WNT4: variants seen among roughly 807,000 people sequenced by gnomAD.
WNT4 encodes the protein protein Wnt-4.
Under a neutral mutation model 34.5 loss-of-function variants are expected in WNT4, and 16 were observed. The ratio of observed to expected loss-of-function variants is 0.46; its 90% confidence interval spans 0.31 to 0.70. The LOEUF is 0.70. Among genes scored for constraint, WNT4 ranks in the 30% least tolerant of loss-of-function variants. The probability of loss-of-function intolerance (pLI) is 0.04; values close to 1 mark genes in which losing one functional copy is unlikely to be tolerated. For synonymous variants in WNT4, 200 were observed against 211.9 expected (o/e 0.94, Z 0.49); for missense variants, 379 against 495.9 (o/e 0.76, Z 2.24).
intron 1 of WNT4, among the ~76,000 whole-genome samples, chr1:22,132,340 T>C (rs1454753088): frequency 6.6e-6 from 1 of 152,118 alleles, no homozygotes; most frequent in African/African-American, 2.4e-5. Flanking sequence ...TGGGCTCTGG[T>C]CAAGGGAGGC....
At position 22,140,173 on chromosome 1, in the gene WNT4, C is replaced by A. The variant is rs530182287; in HGVS notation, c.77+2673G>T. 4.1e-6 allele frequency: 4 copies of A among 985,284 alleles called. No homozygotes were observed. Among genetic ancestry groups the A allele is most frequent in the African/African-American group, 3.5e-5 (2 of 57,248 alleles). The allele number at this position is 985,284 out of a possible 1,614,324, so 61.0% of individuals were successfully genotyped here. On this transcript the variant is annotated intron_variant, in intron 1 of 4. Transcript: ENST00000290167. This position sits in a 1 kb window ranked among gnomAD's most constrained non-coding sequence, Gnocchi z 5.9. Reference sequence around the variant, plus strand: ...TGGCAGGTGCTGTCAGCTATCCTCTCGGGGCCAGGCCTCCTCATACCTCAC... The same window carrying A: ...TGGCAGGTGCTGTCAGCTATCCTCTAGGGGCCAGGCCTCCTCATACCTCAC...
intron 1 of WNT4, 136 bp from the exon 2 acceptor site, chr1:22,129,987 G>T: frequency 1.9e-6 from 2 of 1,027,514 alleles, no homozygotes; most frequent in Non-Finnish European, 1.5e-6. Context: ...CTTCTCTCTG[G>T]ATCCAGTTAC....
chr1:22,134,474 C>G lies in WNT4; in HGVS notation c.78-4623G>C, dbSNP rs1278265657. On this transcript the variant is annotated intron_variant, in intron 1 of 4. Coordinates refer to ENST00000290167, the MANE Select transcript of WNT4 (RefSeq NM_030761.5). This position sits in a 1 kb window ranked among gnomAD's most constrained non-coding sequence, Gnocchi z 4.1. ...GTCTTGGTATCCTGCTGTGCTCCCCCTGATGGTGCCCTAGCCTTGGAGACC... is the reference window on the plus strand; with the variant it reads ...GTCTTGGTATCCTGCTGTGCTCCCCGTGATGGTGCCCTAGCCTTGGAGACC... 6.6e-6 allele frequency among the ~76,000 whole-genome samples: 1 copy of G among 152,198 alleles called. No homozygotes were observed. Among genetic ancestry groups the G allele is most frequent in the African/African-American group, 2.4e-5 (1 of 41,444 alleles).
rs778822173 is a variant in WNT4 at position 22,120,175 on chromosome 1, A to C, written c.931T>G (p.Cys311Gly). Residue 311 changes from cysteine to glycine, a missense_variant, in exon 5 of 5, where the codon TGT becomes GGT. Cys to Gly is a radical substitution (Grantham distance 159). Around this residue, in one of 2 missense-constraint regions of WNT4, gnomAD observed 313 missense variants for 445.8 expected, o/e 0.70. Coordinates refer to ENST00000290167, the MANE Select transcript of WNT4 (RefSeq NM_030761.5). Reference sequence around the variant, plus strand: ...TGCGCCGTGTGGAAGCCGCGGCCACAGCACAGCAGCTCACAGCCGTCGATG... The same window carrying C: ...TGCGCCGTGTGGAAGCCGCGGCCACCGCACAGCAGCTCACAGCCGTCGATG... ...KAIDGCELLC[C>G]GRGFHTAQVE... is the part of the protein sequence containing the mutation. The C allele has an allele frequency of 6.2e-7, 1 of 1,613,758 alleles. No homozygotes were observed. The highest frequency in any genetic ancestry group is 1.1e-5 in the South Asian group (1 of 91,086).
chr1:22,141,539 C>T (rs1293767997), intron 1 of WNT4, among the ~76,000 whole-genome samples: 1 of 152,102 alleles, frequency 6.6e-6, no homozygotes, highest in African/African-American at 2.4e-5. Flanking sequence ...TGCCACTGCT[C>T]CTGAAGTGTT....
chr1:22,129,919 A>G, intron 1 of WNT4, 68 bp from the exon 2 acceptor site: 25 of 1,571,368 alleles, frequency 1.6e-5, no homozygotes, highest in Non-Finnish European at 1.7e-5. Flanking sequence ...ACCAGGCCTG[A>G]GCTCCAGCCC....
Position 22,120,437 on chromosome 1 carries a change from G to A in WNT4, c.669C>T (p.Ala223=), listed in dbSNP as rs761495982. Residue 223 remains alanine (A), a synonymous_variant, in exon 5 of 5, where the codon GCC becomes GCT. Transcript: ENST00000290167. ...GACCCACCTGGCGGAAGGGCGGCAC[G>A]GCTCGCCAGCACGTCTTTACCTCAC... ...GSCEVKTCWR[A]VPPFRQVGHA... 9 of 1,613,686 alleles carry A rather than the reference G, an allele frequency of 5.6e-6. No homozygotes were observed. The highest frequency in any genetic ancestry group is 1.6e-4 in the Middle Eastern group (1 of 6,062).
intron 1 of WNT4, among the ~76,000 whole-genome samples, chr1:22,135,026 T>A (rs1301973035): frequency 6.6e-6 from 1 of 152,102 alleles, no homozygotes; most frequent in East Asian, 1.9e-4. Flanking sequence ...AGTTTGAGGA[T>A]GTGTTTCCTG....
At chr1:22,123,073 C>T (rs950663708) in intron 2 of WNT4, among the ~76,000 whole-genome samples, 8 of 152,190 alleles carry the variant, frequency 5.3e-5, no homozygotes, top group Non-Finnish European at 1.2e-4. Flanking sequence ...ATGCTGTGGC[C>T]GCCCAAAGAG....
Position 22,142,764 on chromosome 1 carries a change from G to A in WNT4, c.77+82C>T. The A allele has an allele frequency of 1.1e-6, 1 of 927,046 alleles. No homozygotes were observed. Among genetic ancestry groups the A allele is most frequent in the Non-Finnish European group, 1.3e-6 (1 of 778,256 alleles). The allele number at this position is 927,046 out of a possible 1,614,324, so 57.4% of individuals were successfully genotyped here. A position where few individuals can be genotyped will look rare whatever the true frequency, so the allele number is the denominator to read the frequency against. The stretch of plus-strand genomic sequence containing the variant: ...CCTGCCGGGCTGCCCCGCGCCCGCT[G>A]CCCCGCGCCGCCTGGCACCGGCCGC... On this transcript the variant is annotated intron_variant, in intron 1 of 4. Coordinates refer to ENST00000290167, the MANE Select transcript of WNT4 (RefSeq NM_030761.5). The surrounding 1 kb of genome is among the most constrained non-coding windows in gnomAD (Gnocchi z 6.0).
intron 1 of WNT4, among the ~76,000 whole-genome samples, chr1:22,130,188 C>T (rs547557786): frequency 1.1e-4 from 16 of 152,326 alleles, no homozygotes; most frequent in Non-Finnish European, 2.2e-4. Context: ...CCAGACCTGG[C>T]TATGGGATCC....
In WNT4 at chr1:22,129,531, C is replaced by T. The variant is rs527698348; in HGVS notation, c.313+85G>A. ...CTTCAGAAATGACCTGCAATAGTCC[C>T]GTTGCTCACGAGCGTCTCATTTCCT... On this transcript the variant is annotated intron_variant, in intron 2 of 4. Transcript: ENST00000290167. 4.2e-5 allele frequency: 60 copies of T among 1,434,272 alleles called. No individual in the cohort carries two copies. The Admixed American group carries it at 4.3e-4, about 10-fold the overall frequency. The allele number at this position is 1,434,272 out of a possible 1,614,324, so 88.8% of individuals were successfully genotyped here. A position where few individuals can be genotyped will look rare whatever the true frequency, so the allele number is the denominator to read the frequency against.
At chr1:22,141,488 G>C (rs1646066948) in intron 1 of WNT4, among the ~76,000 whole-genome samples, 1 of 152,180 alleles carries the variant, frequency 6.6e-6, no homozygotes, top group Non-Finnish European at 1.5e-5. Flanking sequence ...CTGCAGGGGG[G>C]CAGTGGGAGA....
At chr1:22,128,603 G>C (rs1269793988) in intron 2 of WNT4, among the ~76,000 whole-genome samples, 1 of 152,216 alleles carries the variant, frequency 6.6e-6, no homozygotes, top group East Asian at 1.9e-4. Context: ...TCCACCCTGT[G>C]CTTCCACAGG....
intron 1 of WNT4, among the ~76,000 whole-genome samples, chr1:22,133,265 G>C (rs1041162416): frequency 6.6e-6 from 1 of 152,128 alleles, no homozygotes; most frequent in Non-Finnish European, 1.5e-5. Context: ...GTCCTGACGG[G>C]GTTCCCTCTG....
intron 4 of WNT4, 106 bp downstream of exon 4, chr1:22,121,105 G>A: frequency 6.5e-7 from 1 of 1,550,258 alleles, no homozygotes; most frequent in Non-Finnish European, 8.7e-7. Context: ...AGGTGCTGGT[G>A]AGAGCCTGCA....
chr1:22,141,024 G>A (rs989078118), intron 1 of WNT4, among the ~76,000 whole-genome samples: 3 of 152,192 alleles, frequency 2.0e-5, no homozygotes, highest in African/African-American at 4.8e-5. Context: ...TGATGCCACC[G>A]GGCCATGCTG....
chr1:22,124,647 C>T (rs1645927391), intron 2 of WNT4, among the ~76,000 whole-genome samples: 1 of 152,176 alleles, frequency 6.6e-6, no homozygotes. Flanking sequence ...AGTAAATGGC[C>T]AAGTGGGGAT....
intron 4 of WNT4, 139 bp downstream of exon 4, chr1:22,121,072 C>T: frequency 1.4e-6 from 2 of 1,418,162 alleles, no homozygotes; most frequent in Non-Finnish European, 1.9e-6. Context: ...TGTCCTGAAC[C>T]CCACTGGCCT....
Sources: gnomAD v4.1 joint callset for allele counts (sites outside exome capture counted in the v4.1 genomes callset) on GRCh38, gnomAD v4.1.1 for gene constraint, gnomAD v4.1.1 regional missense constraint, Gnocchi (gnomAD v3.1) non-coding constraint, MANE v1.5 for transcripts, NCBI Gene and HGNC (gene_info 2026-07-23, HGNC 2026-07-21) for gene names.